Variants in KCNJ6 observed in about 807,000 individuals in gnomAD.
KCNJ6 encodes the protein potassium inwardly rectifying channel subfamily J member 6.
KCNJ6 carries 9 observed loss-of-function variants against 34.2 expected under a neutral mutation model. The ratio of observed to expected loss-of-function variants is 0.26; its 90% CI spans 0.16 to 0.46. The LOEUF (loss-of-function observed/expected upper bound fraction) is 0.46, where lower values mean the gene tolerates loss of function less well. KCNJ6 is among the 20% of genes least tolerant of loss of function. The probability of loss-of-function intolerance (pLI) is 1.00; values close to 1 mark genes in which losing one functional copy is unlikely to be tolerated. For synonymous variants in KCNJ6, 196 were observed against 207.1 expected (o/e 0.95, Z 0.46); for missense variants, 236 against 531.3 (o/e 0.44, Z 5.46).
intron 2 of KCNJ6, among the ~76,000 whole-genome samples, chr21:37,834,111 C>G (rs974313872): frequency 1.8e-4 from 28 of 152,226 alleles, no homozygotes. Context: ...TGGATTCTTT[C>G]ATCCGTGTAT....
chr21:37,826,178 T>G (rs2055398251), intron 2 of KCNJ6, among the ~76,000 whole-genome samples: 1 of 151,240 alleles, frequency 6.6e-6, no homozygotes, highest in Admixed American at 6.6e-5. Context: ...AGTGTTGAGG[T>G]ACCCTGGGGT....
At chr21:37,790,576 G>C (rs2055212122) in intron 2 of KCNJ6, among the ~76,000 whole-genome samples, 1 of 152,078 alleles carries the variant, frequency 6.6e-6, no homozygotes. Context: ...GCCTCAGTGG[G>C]GGCAGAGTCA....
intron 1 of KCNJ6, among the ~76,000 whole-genome samples, chr21:37,889,475 G>T (rs1051707841): frequency 1.3e-5 from 2 of 152,142 alleles, no homozygotes; most frequent in African/African-American, 4.8e-5. Flanking sequence ...GGGTGGGTGT[G>T]GTTCACCATT....
chr21:37,860,019 A>G (rs1239259295), intron 1 of KCNJ6, among the ~76,000 whole-genome samples: 2 of 151,844 alleles, frequency 1.3e-5, no homozygotes, highest in African/African-American at 4.8e-5. Context: ...TCCACAAGAC[A>G]CCCCGTGCCC....
At chr21:37,842,436 G>C (rs887319925) in intron 1 of KCNJ6, among the ~76,000 whole-genome samples, 4 of 152,184 alleles carry the variant, frequency 2.6e-5, no homozygotes, top group African/African-American at 9.7e-5. Flanking sequence ...GGTATGCTTT[G>C]ATTGAATGGC....
At chr21:37,909,170 C>G (rs1303720020) in intron 1 of KCNJ6, among the ~76,000 whole-genome samples, 1 of 152,104 alleles carries the variant, frequency 6.6e-6, no homozygotes, top group Non-Finnish European at 1.5e-5. Flanking sequence ...ACGGCATCAA[C>G]CAATTAGATT....
rs1601388757 is a variant in KCNJ6 at position 37,617,212 on chromosome 21, CCTTCCTT to C, written c.*7940_*7946del. 4.4e-5 allele frequency: 6 copies of C among 137,794 alleles called. No homozygotes were observed. In the East Asian group the frequency reaches 1.3e-3, roughly 31 times the overall value. 8.5% of individuals were successfully genotyped at this position (137,794 alleles called of 1,614,324 possible). ...TCCTTCCTTCCTTCCTTCCTTCCTT[CCTTCCTT>C]CTTTTCTTTCTTTTTTTGAGACTGA... On this transcript the variant is annotated 3_prime_UTR_variant, in exon 4 of 4. Transcript: ENST00000609713.
intron 2 of KCNJ6, among the ~76,000 whole-genome samples, chr21:37,840,204 A>G (rs1024737030): frequency 6.6e-6 from 1 of 152,174 alleles, no homozygotes; most frequent in African/African-American, 2.4e-5. Context: ...TACTGCAAGC[A>G]CTCCATTTTT....
intron 3 of KCNJ6, among the ~76,000 whole-genome samples, chr21:37,649,920 A>ATTTTTTTTTTTTTTT (rs10597774): frequency 6.9e-6 from 1 of 143,912 alleles, no homozygotes; most frequent in African/African-American, 2.6e-5. Flanking sequence ...CACCCAGCTA[A>ATTTTTTTTTTTTTTT]TTTTTTTTTT....
chr21:37,865,406 A>G (rs1278760638), intron 1 of KCNJ6, among the ~76,000 whole-genome samples: 1 of 152,172 alleles, frequency 6.6e-6, no homozygotes, highest in Admixed American at 6.5e-5. Context: ...GTCCACCCCC[A>G]GTTCTCAGCT....
intron 3 of KCNJ6, among the ~76,000 whole-genome samples, chr21:37,649,270 C>T (rs796388395): frequency 2.0e-5 from 3 of 152,132 alleles, no homozygotes; most frequent in African/African-American, 4.8e-5. Flanking sequence ...CGAGGAGTTC[C>T]GACCCAAGGA....
chr21:37,757,945 C>T (rs914399839), intron 2 of KCNJ6, among the ~76,000 whole-genome samples: 1 of 152,230 alleles, frequency 6.6e-6, no homozygotes, highest in Non-Finnish European at 1.5e-5. Context: ...AGAATGAGAT[C>T]AGGTTTCCAG....
intron 2 of KCNJ6, among the ~76,000 whole-genome samples, chr21:37,737,632 A>G (rs891636590): frequency 2.0e-5 from 3 of 152,188 alleles, no homozygotes; most frequent in African/African-American, 7.2e-5. Flanking sequence ...GCCCAGTCAT[A>G]GTCTATTTAG....
intron 1 of KCNJ6, among the ~76,000 whole-genome samples, chr21:37,877,699 C>T (rs1002957835): frequency 1.4e-4 from 21 of 152,126 alleles, no homozygotes; most frequent in Admixed American, 1.0e-3. Flanking sequence ...CACCTACAGT[C>T]GGATCGGCCA....
At chr21:37,903,139 A>G (rs1410886208) in intron 1 of KCNJ6, among the ~76,000 whole-genome samples, 1 of 152,068 alleles carries the variant, frequency 6.6e-6, no homozygotes, top group Non-Finnish European at 1.5e-5. Context: ...GCCTTTTCTC[A>G]TGATATGATT....
chr21:37,711,097 A>AG (rs1287776614), intron 3 of KCNJ6, among the ~76,000 whole-genome samples: 2 of 152,286 alleles, frequency 1.3e-5, no homozygotes, highest in East Asian at 3.9e-4. Context: ...AGGCCATGAA[A>AG]GGGGGGCTCG....
chr21:37,878,347 C>A (rs1202476313), intron 1 of KCNJ6, among the ~76,000 whole-genome samples: 1 of 152,162 alleles, frequency 6.6e-6, no homozygotes, highest in Non-Finnish European at 1.5e-5. Flanking sequence ...TATTCAACCT[C>A]TTTCCCTAAA....
In KCNJ6 at chr21:37,733,333, C is replaced by T. The variant is rs543417827; in HGVS notation, c.26-18202G>A. On this transcript the variant is annotated intron_variant, in intron 2 of 3. Coordinates refer to ENST00000609713, the MANE Select transcript of KCNJ6 (RefSeq NM_002240.5). ...CTGGAGAAATCTGCCGTTGGTATTT[C>T]GGGGGTCTTTTGAAGAGGAGTCTGC... Among the ~76,000 whole-genome samples, 53 of 152,120 alleles carry T rather than the reference C, an allele frequency of 3.5e-4. No homozygotes were observed. In the South Asian group the frequency reaches 0.01, roughly 29 times the overall value.
At chr21:37,859,986 G>A (rs2055586695) in intron 1 of KCNJ6, among the ~76,000 whole-genome samples, 1 of 151,900 alleles carries the variant, frequency 6.6e-6, no homozygotes, top group Non-Finnish European at 1.5e-5. Context: ...CTGGTCCCTT[G>A]CATCATGACT....
Sources: allele counts gnomAD v4.1 joint callset (sites outside exome capture counted in the v4.1 genomes callset), GRCh38; gene constraint gnomAD v4.1.1; transcripts MANE v1.5; gene names NCBI Gene and HGNC (gene_info 2026-07-23, HGNC 2026-07-21).